The following DYNC2H1 variants were observed in gnomAD, a reference collection of about 807,000 sequenced individuals.
DYNC2H1 encodes dynein cytoplasmic 2 heavy chain 1, also known as cytoplasmic dynein 2 heavy chain 1.
DYNC2H1 carries 410 observed loss-of-function variants against 570.0 expected under a neutral mutation model. That is an observed-to-expected ratio of 0.72 (90% confidence interval 0.66 to 0.78). DYNC2H1 has a LOEUF of 0.78. Ranked by LOEUF, DYNC2H1 falls within the 30% of genes least tolerant of loss-of-function variation. DYNC2H1 has a pLI of 0.00. For synonymous variants in DYNC2H1, 1,688 were observed against 1,677.6 expected, an observed-to-expected ratio of 1.01 and a Z score of -0.15; for missense variants, 4,865 against 5,046.4, an observed-to-expected ratio of 0.96 and a Z score of 1.09.
At chr11:103,128,661 T>G (rs1313449866) in intron 12 of DYNC2H1, among the ~76,000 whole-genome samples, 1 of 152,208 alleles carries the variant, frequency 6.6e-6, no homozygotes, top group African/African-American at 2.4e-5. Flanking sequence ...ACTTCTTGAT[T>G]CCGGACAACG....
intron 74 of DYNC2H1, 108 bp from the exon 75 acceptor site, chr11:103,287,425 T>C (rs1866393392): frequency 2.3e-6 from 2 of 857,508 alleles, no homozygotes; most frequent in Admixed American, 2.5e-5. Context: ...ATGATAAGTG[T>C]TCCCATATTT....
Position 103,177,791 on chromosome 11 carries a change from G to C in DYNC2H1, c.6110G>C (p.Ser2037Thr). 6.2e-7 allele frequency: 1 copy of C among 1,612,246 alleles called. No homozygotes were observed. The highest frequency in any genetic ancestry group is 8.5e-7 in the Non-Finnish European group (1 of 1,179,256). The change falls in exon 38 of 89, where the codon AGT (serine) becomes ACT (threonine). Residue 2037 changes from serine to threonine, a missense_variant. Physicochemically the swap from Ser to Thr is moderately conservative, Grantham distance 58. Transcript: ENST00000375735. The surrounding 1 kb of genome is among the most constrained non-coding windows in gnomAD (Gnocchi z 4.4). ...TGGTCTGATGGTGTTTTGACAAATA[G>C]TGCTCGTCAAGTGGTTCGGGAACCT... is the stretch of plus-strand genomic sequence containing the variant. ...REWSDGVLTN[S>T]ARQVVREPQD...
At chr11:103,327,121 C>G (rs1202257482) in intron 82 of DYNC2H1, among the ~76,000 whole-genome samples, 1 of 152,060 alleles carries the variant, frequency 6.6e-6, no homozygotes, top group Non-Finnish European at 1.5e-5. Context: ...ACACAGGGTT[C>G]CAGCTTCCTC....
chr11:103,410,331 G>A (rs1455399475), intron 84 of DYNC2H1, among the ~76,000 whole-genome samples: 1 of 152,012 alleles, frequency 6.6e-6, no homozygotes, highest in Non-Finnish European at 1.5e-5. Context: ...GATTTTCTGG[G>A]TATAGAAAAT....
chr11:103,232,554 G>C (rs1353987513), intron 60 of DYNC2H1, among the ~76,000 whole-genome samples: 1 of 151,952 alleles, frequency 6.6e-6, no homozygotes, highest in Non-Finnish European at 1.5e-5. Flanking sequence ...TTACCATGCT[G>C]TTACTTATAC....
At chr11:103,238,477 GAGA>G (rs1864304746) in intron 63 of DYNC2H1, among the ~76,000 whole-genome samples, 1 of 152,020 alleles carries the variant, frequency 6.6e-6, no homozygotes, top group Non-Finnish European at 1.5e-5. Context: ...GCTGAGACAG[GAGA>G]ATTGCTTGAA....
At chr11:103,184,233 A>G (rs1861974722) in intron 40 of DYNC2H1, among the ~76,000 whole-genome samples, 1 of 151,942 alleles carries the variant, frequency 6.6e-6, no homozygotes, top group African/African-American at 2.4e-5. Context: ...CTTGAGCTCC[A>G]TGAAGACAGG....
intron 45 of DYNC2H1, among the ~76,000 whole-genome samples, chr11:103,190,770 G>T (rs1031052623): frequency 6.6e-6 from 1 of 151,954 alleles, no homozygotes; most frequent in Non-Finnish European, 1.5e-5. Flanking sequence ...GCATTTTACC[G>T]GTTGGTTGTA....
rs1865967446 is a variant in DYNC2H1, at chr11:103,277,701, G to T, written c.10696-2647G>T. 6.6e-6 allele frequency among the ~76,000 whole-genome samples: 1 copy of T among 152,132 alleles called. No homozygotes were observed. Among genetic ancestry groups the T allele is most frequent in the African/African-American group, 2.4e-5 (1 of 41,432 alleles). ...GGGAGTAGTTCTCTAAAGCAAGCTTGCCTCGACTCTTACCAGGTAACCTAG... is the reference window on the plus strand; with the variant it reads ...GGGAGTAGTTCTCTAAAGCAAGCTTTCCTCGACTCTTACCAGGTAACCTAG... On this transcript the variant is annotated intron_variant, in intron 70 of 88. Transcript: ENST00000375735. This position sits in a 1 kb window ranked among gnomAD's most constrained non-coding sequence, Gnocchi z 4.3.
Position 103,468,675 on chromosome 11 carries a change from G to A in DYNC2H1, c.12735G>A (p.Val4245=). The change falls in exon 88 of 89, where the codon GTG becomes GTA. Residue 4245 remains valine, a synonymous_variant. Coordinates refer to ENST00000375735, the MANE Select transcript of DYNC2H1 (RefSeq NM_001377.3). Reference sequence around the variant, plus strand: ...TTGATTCTCCCAGCGTGTCATCAGTGCTCCCTTGTTTTATGGGCTGGATTC... The same window carrying A: ...TTGATTCTCCCAGCGTGTCATCAGTACTCCCTTGTTTTATGGGCTGGATTC... ...NQLDSPSVSS[V]LPCFMGWIPQ... is the part of the protein sequence containing the mutation. The A allele has an allele frequency of 1.2e-6, 2 of 1,613,358 alleles. No homozygotes were observed. Among genetic ancestry groups the A allele is most frequent in the East Asian group, 4.5e-5 (2 of 44,844 alleles).
At chr11:103,117,232 GTA>G (rs1017285574) in intron 5 of DYNC2H1, among the ~76,000 whole-genome samples, 25 of 144,944 alleles carry the variant, frequency 1.7e-4, no homozygotes, top group African/African-American at 5.3e-4. Context: ...TTTAATATAT[GTA>G]TATATATATT....
intron 34 of DYNC2H1, 95 bp downstream of exon 34, chr11:103,171,163 C>A: frequency 9.1e-7 from 1 of 1,093,656 alleles, no homozygotes; most frequent in Non-Finnish European, 1.2e-6. Context: ...TTTCTCCTGA[C>A]ATCCGTGTTT....
intron 59 of DYNC2H1, among the ~76,000 whole-genome samples, chr11:103,227,343 CATCTTTGCTGT>C: frequency 6.6e-6 from 1 of 152,116 alleles, no homozygotes; most frequent in African/African-American, 2.4e-5. Context: ...CTCTTGGCAC[CATCTTTGCTGT>C]ATTTTAGAGG....
At chr11:103,421,589 A>G (rs1032016423) in intron 84 of DYNC2H1, among the ~76,000 whole-genome samples, 1 of 152,200 alleles carries the variant, frequency 6.6e-6, no homozygotes, top group Non-Finnish European at 1.5e-5. Flanking sequence ...GAATTGAACA[A>G]CTTGCTCCTG....
intron 72 of DYNC2H1, among the ~76,000 whole-genome samples, chr11:103,282,695 C>G (rs192877628): frequency 6.6e-6 from 1 of 151,960 alleles, no homozygotes; most frequent in Non-Finnish European, 1.5e-5. Context: ...GAACATAGAT[C>G]ATGTCTGAAA....
chr11:103,365,800 T>C (rs1940878986), intron 83 of DYNC2H1, among the ~76,000 whole-genome samples: 1 of 152,266 alleles, frequency 6.6e-6, no homozygotes, highest in South Asian at 2.1e-4. Context: ...GTTTGAGCTA[T>C]GTTCAGATTG....
At chr11:103,356,021 C>G (rs2671336) in intron 82 of DYNC2H1, among the ~76,000 whole-genome samples, 1 of 151,922 alleles carries the variant, frequency 6.6e-6, no homozygotes, top group Non-Finnish European at 1.5e-5. Flanking sequence ...CTTTGCAATT[C>G]TTATAGATCT....
intron 59 of DYNC2H1, among the ~76,000 whole-genome samples, chr11:103,224,949 A>G (rs1290224335): frequency 2.0e-5 from 3 of 152,152 alleles, no homozygotes; most frequent in Non-Finnish European, 2.9e-5. Flanking sequence ...CATTCTTGCA[A>G]GAGTGAGGTG....
At chr11:103,467,859 T>C (rs914321941) in intron 87 of DYNC2H1, among the ~76,000 whole-genome samples, 4 of 152,166 alleles carry the variant, frequency 2.6e-5, no homozygotes, top group Non-Finnish European at 5.9e-5. Context: ...TTTAAGTTTG[T>C]TTATATTTTG....
Sources: gnomAD v4.1 joint callset for allele counts (sites outside exome capture counted in the v4.1 genomes callset) on GRCh38, gnomAD v4.1.1 for gene constraint, Gnocchi (gnomAD v3.1) non-coding constraint, MANE v1.5 for transcripts, NCBI Gene and HGNC (gene_info 2026-07-23, HGNC 2026-07-21) for gene names.